FARSB: variants seen among roughly 807,000 people sequenced by gnomAD.
FARSB encodes the protein phenylalanyl-tRNA synthetase subunit beta.
Under a neutral mutation model 69.6 loss-of-function variants are expected in FARSB, and 40 were observed. That is an observed-to-expected ratio of 0.57 (90% CI 0.45 to 0.75). The LOEUF is 0.75. Ranked by LOEUF, FARSB falls within the 30% of genes least tolerant of loss-of-function variation. FARSB has a pLI of 0.00. For synonymous variants in FARSB, 235 were observed against 247.2 expected, an observed-to-expected ratio of 0.95 and a Z score of 0.46; for missense variants, 632 against 722.9, an observed-to-expected ratio of 0.87 and a Z score of 1.44.
At chr2:222,596,589 G>A (rs1690424052) in intron 16 of FARSB, among the ~76,000 whole-genome samples, 1 of 152,036 alleles carries the variant, frequency 6.6e-6, no homozygotes, top group African/African-American at 2.4e-5. Flanking sequence ...AGAATGGCAG[G>A]GAACAGTAGT....
chr2:222,627,397 T>C (rs762582010), intron 10 of FARSB, among the ~76,000 whole-genome samples: 1 of 152,188 alleles, frequency 6.6e-6, no homozygotes, highest in African/African-American at 2.4e-5. Flanking sequence ...ATGTGAGTTG[T>C]TGACCCCACT....
At chr2:222,620,212 T>C (rs1420554654) in intron 13 of FARSB, among the ~76,000 whole-genome samples, 1 of 152,206 alleles carries the variant, frequency 6.6e-6, no homozygotes, top group Non-Finnish European at 1.5e-5. Flanking sequence ...CTGACTTAAA[T>C]GACCTCTCTT....
At chr2:222,624,876 A>C in intron 10 of FARSB, 101 bp from the exon 11 acceptor site, 1 of 673,352 alleles carries the variant, frequency 1.5e-6, no homozygotes, top group South Asian at 2.0e-5. Context: ...GTTCCCAAGA[A>C]ATTGTCATTA....
intron 16 of FARSB, among the ~76,000 whole-genome samples, chr2:222,584,469 A>G (rs949318152): frequency 9.2e-5 from 14 of 152,316 alleles, no homozygotes; most frequent in Non-Finnish European, 1.5e-4. Context: ...CAACTGAGGT[A>G]CCAGGTTCAT....
At position 222,631,599 on chromosome 2, in the gene FARSB, C is replaced by T. The variant is rs767229748; in HGVS notation, c.786+5G>A. On this transcript the variant is annotated splice_donor_5th_base_variant and intron_variant, in intron 8 of 16. Coordinates refer to ENST00000281828, the MANE Select transcript of FARSB (RefSeq NM_005687.5). ...ATACAAAAATTGAGTAAAAGTTTTACTTACCTTAGTAAAGTCAGTTCCCGT... is the reference window on the plus strand; with the variant it reads ...ATACAAAAATTGAGTAAAAGTTTTATTTACCTTAGTAAAGTCAGTTCCCGT... 5 of 1,462,144 alleles carry T rather than the reference C, an allele frequency of 3.4e-6. No individual in the cohort carries two copies. In the African/African-American group the frequency reaches 5.6e-5, roughly 16 times the overall value. The allele number at this position is 1,462,144 out of a possible 1,614,324, so 90.6% of individuals were successfully genotyped here.
intron 1 of FARSB, among the ~76,000 whole-genome samples, chr2:222,651,091 G>C (rs1692025374): frequency 6.6e-6 from 1 of 152,186 alleles, no homozygotes; most frequent in Non-Finnish European, 1.5e-5. Context: ...CCTCAAGAAA[G>C]AAGCCTCATA....
At chr2:222,655,559 T>C (rs1692151532) in intron 1 of FARSB, among the ~76,000 whole-genome samples, 1 of 152,170 alleles carries the variant, frequency 6.6e-6, no homozygotes. Flanking sequence ...GCCTGACACA[T>C]AACAGGCGCT....
At chr2:222,632,006 A>G (rs1263653455) in intron 7 of FARSB, among the ~76,000 whole-genome samples, 1 of 151,110 alleles carries the variant, frequency 6.6e-6, no homozygotes, top group East Asian at 2.0e-4. Context: ...CGGGAGGTGC[A>G]GGTTGTGGTG....
intron 2 of FARSB, 135 bp downstream of exon 2, chr2:222,648,605 A>G: frequency 1.4e-6 from 1 of 696,106 alleles, no homozygotes; most frequent in South Asian, 1.7e-5. Flanking sequence ...TAGCCCTCTG[A>G]ACACAGAAAT....
chr2:222,645,970 A>G (rs1374965334), intron 2 of FARSB, among the ~76,000 whole-genome samples: 1 of 152,188 alleles, frequency 6.6e-6, no homozygotes, highest in Non-Finnish European at 1.5e-5. Context: ...CAGTATAAAA[A>G]TAAGGCCAAA....
At chr2:222,611,515 A>C (rs1169096507) in intron 15 of FARSB, among the ~76,000 whole-genome samples, 2 of 152,090 alleles carry the variant, frequency 1.3e-5, no homozygotes, top group African/African-American at 4.8e-5. Context: ...TAGTGTAAAC[A>C]TAGCTTACTG....
intron 7 of FARSB, 67 bp from the exon 8 acceptor site, chr2:222,631,741 T>G (rs531441563): frequency 2.9e-5 from 26 of 888,736 alleles, no homozygotes; most frequent in Non-Finnish European, 4.8e-5. Context: ...ACTATTAAGC[T>G]CAACAAAACA....
intron 15 of FARSB, among the ~76,000 whole-genome samples, chr2:222,609,696 C>T (rs541727654): frequency 1.3e-3 from 203 of 152,250 alleles, no homozygotes; most frequent in African/African-American, 4.7e-3. Flanking sequence ...AAAAAGTGTG[C>T]CTGATGCAGT....
chr2:222,588,725 C>T lies in FARSB; in HGVS notation c.1618+11203G>A, dbSNP rs1037061766. ...TTCCTGTACACCATTAACAGACAAA[C>T]GGAGAGCCAGATCGTGAGTGAACTC... On this transcript the variant is annotated intron_variant, in intron 16 of 16. Coordinates refer to ENST00000281828, the MANE Select transcript of FARSB (RefSeq NM_005687.5). Among the ~76,000 whole-genome samples the T allele has an allele frequency of 9.2e-5, 14 of 152,136 alleles. No individual in the cohort carries two copies. The South Asian group carries it at 1.4e-3, about 16-fold the overall frequency.
intron 10 of FARSB, among the ~76,000 whole-genome samples, chr2:222,627,865 G>A (rs889756580): frequency 6.6e-6 from 1 of 152,188 alleles, no homozygotes; most frequent in Non-Finnish European, 1.5e-5. Context: ...TAAATGGCAA[G>A]GGAATAGTGA....
At chr2:222,652,289 T>C (rs969184798) in intron 1 of FARSB, among the ~76,000 whole-genome samples, 3 of 152,102 alleles carry the variant, frequency 2.0e-5, no homozygotes, top group Admixed American at 6.5e-5. Context: ...TGAGTATATT[T>C]TGCATATGGG....
At chr2:222,638,515 T>A (rs1205133660) in intron 5 of FARSB, among the ~76,000 whole-genome samples, 1 of 152,248 alleles carries the variant, frequency 6.6e-6, no homozygotes, top group African/African-American at 2.4e-5. Flanking sequence ...TTTTGCTTAA[T>A]AATGACATAT....
intron 16 of FARSB, among the ~76,000 whole-genome samples, chr2:222,580,863 G>A (rs922823429): frequency 1.3e-5 from 2 of 152,188 alleles, no homozygotes; most frequent in African/African-American, 2.4e-5. Context: ...TGACTCGGAA[G>A]GGGGAAAATG....
At chr2:222,646,767 A>G (rs1292727212) in intron 2 of FARSB, among the ~76,000 whole-genome samples, 1 of 152,220 alleles carries the variant, frequency 6.6e-6, no homozygotes, top group African/African-American at 2.4e-5. Flanking sequence ...AGTTGCTCAA[A>G]TTCAGACTTG....
Sources: allele counts gnomAD v4.1 joint callset (sites outside exome capture counted in the v4.1 genomes callset), GRCh38; gene constraint gnomAD v4.1.1; transcripts MANE v1.5; gene names NCBI Gene and HGNC (gene_info 2026-07-23, HGNC 2026-07-21).